Variants in KLHL32 observed in about 807,000 individuals in gnomAD.
KLHL32 encodes kelch like family member 32.
A neutral mutation model predicts 64.8 loss-of-function variants in KLHL32; 35 were observed. The observed-to-expected ratio is 0.54, with a 90% CI of 0.41 to 0.72. KLHL32 has a LOEUF of 0.72. KLHL32 is among the 30% of genes least tolerant of loss of function. The probability of loss-of-function intolerance (pLI) is 0.00; values close to 1 mark genes in which losing one functional copy is unlikely to be tolerated. For synonymous variants in KLHL32, 259 were observed against 281.0 expected (o/e 0.92, Z 0.78); for missense variants, 589 against 768.5 (o/e 0.77, Z 2.76).
chr6:97,041,819 A>C lies in KLHL32; in HGVS notation c.312+220A>C, dbSNP rs186818003. Among the ~76,000 whole-genome samples the C allele has an allele frequency of 2.6e-5, 4 of 152,356 alleles. No individual in the cohort carries two copies. The East Asian group carries it at 7.7e-4, about 29-fold the overall frequency. On this transcript the variant is annotated intron_variant, in intron 4 of 10. Coordinates refer to ENST00000369261, the MANE Select transcript of KLHL32 (RefSeq NM_052904.4). ...CCAGTGAACATAGTATTTTAAATTT[A>C]ACTCAGTGCTTGCTGGTGTAATTTT...
rs181329222 is a variant in KLHL32, at chr6:97,032,265, C to A, written c.205-9227C>A. Among the ~76,000 whole-genome samples, 10 of 152,296 alleles carry A rather than the reference C, an allele frequency of 6.6e-5. No individual in the cohort carries two copies. The East Asian group carries it at 1.9e-3, about 29-fold the overall frequency. ...TTACGTAAACAGGATAAAATTAAGT[C>A]TCTTTTTTCCCTCTACAATCGTACT... On this transcript the variant is annotated intron_variant, in intron 3 of 10. Coordinates refer to ENST00000369261, the MANE Select transcript of KLHL32 (RefSeq NM_052904.4).
At chr6:97,129,764 C>A (rs969540554) in intron 8 of KLHL32, among the ~76,000 whole-genome samples, 1 of 152,100 alleles carries the variant, frequency 6.6e-6, no homozygotes, top group Admixed American at 6.5e-5. Context: ...TGCCTGTAAT[C>A]CCAGCTACTC....
chr6:97,080,918 G>A (rs1792397347), intron 5 of KLHL32, among the ~76,000 whole-genome samples: 1 of 152,148 alleles, frequency 6.6e-6, no homozygotes, highest in Non-Finnish European at 1.5e-5. Flanking sequence ...TGAAACAAGG[G>A]AAACACAATT....
At chr6:96,991,494 C>G (rs1423017026) in intron 3 of KLHL32, among the ~76,000 whole-genome samples, 1 of 152,000 alleles carries the variant, frequency 6.6e-6, no homozygotes, top group Non-Finnish European at 1.5e-5. Flanking sequence ...TGGGTTGTCT[C>G]TGGGGATTTC....
chr6:97,103,630 G>A (rs1416199021), intron 6 of KLHL32, among the ~76,000 whole-genome samples: 3 of 152,180 alleles, frequency 2.0e-5, no homozygotes, highest in African/African-American at 7.2e-5. Context: ...TCAGTTTCAT[G>A]ATATAATCTG....
At chr6:97,083,803 A>G (rs565975660) in intron 5 of KLHL32, among the ~76,000 whole-genome samples, 4 of 152,112 alleles carry the variant, frequency 2.6e-5, no homozygotes, top group Non-Finnish European at 5.9e-5. Flanking sequence ...CATCCACCGT[A>G]CTATTGTTGG....
upstream of KLHL32, among the ~76,000 whole-genome samples, chr6:96,923,108 A>G (rs1768806761): frequency 6.6e-6 from 1 of 152,208 alleles, no homozygotes; most frequent in African/African-American, 2.4e-5. Flanking sequence ...TTGGTGGTGT[A>G]AATATTCTTT....
intron 5 of KLHL32, among the ~76,000 whole-genome samples, chr6:97,067,431 A>C (rs563710493): frequency 3.9e-5 from 6 of 152,262 alleles, no homozygotes; most frequent in African/African-American, 1.2e-4. Flanking sequence ...AATGTATTTA[A>C]TGCTAATTGA....
chr6:96,917,658 C>A, the KLHL32 span, among the ~76,000 whole-genome samples: 5 of 152,122 alleles, frequency 3.3e-5, no homozygotes, highest in Non-Finnish European at 5.9e-5. Flanking sequence ...GGTATTCAGG[C>A]ATGTTTGGGT....
chr6:97,106,527 G>A (rs2128203836), intron 6 of KLHL32, among the ~76,000 whole-genome samples: 1 of 152,264 alleles, frequency 6.6e-6, no homozygotes, highest in Admixed American at 6.5e-5. Flanking sequence ...TGGATCATTT[G>A]AGGTCGGTAG....
At chr6:96,958,500 A>AC (rs1773518671) in intron 1 of KLHL32, among the ~76,000 whole-genome samples, 1 of 152,198 alleles carries the variant, frequency 6.6e-6, no homozygotes, top group Admixed American at 6.5e-5. Flanking sequence ...GTTGATGAGT[A>AC]TGTCTGTATG....
At chr6:97,037,951 G>A (rs892113543) in intron 3 of KLHL32, among the ~76,000 whole-genome samples, 1 of 152,134 alleles carries the variant, frequency 6.6e-6, no homozygotes, top group African/African-American at 2.4e-5. Flanking sequence ...ATGGTGTTGG[G>A]AAAATTGCAT....
chr6:97,043,536 T>G (rs1201039874), intron 4 of KLHL32, among the ~76,000 whole-genome samples: 1 of 152,230 alleles, frequency 6.6e-6, no homozygotes, highest in Admixed American at 6.5e-5. Context: ...GGTAGGCAGA[T>G]GTCTCTATAG....
intron 4 of KLHL32, among the ~76,000 whole-genome samples, chr6:97,045,205 A>G (rs574407891): frequency 6.6e-6 from 1 of 152,328 alleles, no homozygotes; most frequent in South Asian, 2.1e-4. Flanking sequence ...CACAAATTCA[A>G]GATTAGCCCA....
At chr6:96,972,094 C>T (rs137930248) in intron 2 of KLHL32, among the ~76,000 whole-genome samples, 11 of 152,198 alleles carry the variant, frequency 7.2e-5, no homozygotes, top group East Asian at 5.8e-4. Flanking sequence ...TCAGATGATC[C>T]GCCCACTTTG....
intron 3 of KLHL32, among the ~76,000 whole-genome samples, chr6:97,036,073 T>C (rs1784254045): frequency 6.6e-6 from 1 of 152,168 alleles, no homozygotes; most frequent in Admixed American, 6.5e-5. Flanking sequence ...ACGACCAGTA[T>C]TCAAGTTTAC....
At chr6:96,924,535 G>A (rs1023230840), upstream of KLHL32, 3 of 150,846 alleles carry the variant, frequency 2.0e-5, no homozygotes, top group Non-Finnish European at 3.0e-5. Context: ...TTGCGCGCGG[G>A]GTGGCGAAAG....
intron 3 of KLHL32, among the ~76,000 whole-genome samples, chr6:96,976,681 C>T (rs569047668): frequency 1.3e-4 from 20 of 152,128 alleles, no homozygotes; most frequent in Non-Finnish European, 2.5e-4. Context: ...TCACTGCAAC[C>T]TCTGCTTCCT....
chr6:97,135,580 G>A (rs1799917872), intron 10 of KLHL32, among the ~76,000 whole-genome samples: 2 of 152,104 alleles, frequency 1.3e-5, no homozygotes, highest in South Asian at 4.1e-4. Flanking sequence ...TTACAGGCGT[G>A]AGCCACTGCA....
Sources: allele counts gnomAD v4.1 joint callset (sites outside exome capture counted in the v4.1 genomes callset), GRCh38; gene constraint gnomAD v4.1.1; transcripts MANE v1.5; gene names NCBI Gene and HGNC (gene_info 2026-07-23, HGNC 2026-07-21).